The following DAB1 variants were observed in gnomAD, a reference collection of about 807,000 sequenced individuals.
DAB1 encodes disabled homolog 1.
In DAB1, 15 loss-of-function variants were observed where a neutral mutation model predicts 64.6. The observed-to-expected ratio is 0.23, with a 90% confidence interval of 0.16 to 0.36. The LOEUF (loss-of-function observed/expected upper bound fraction) is 0.36, where lower values mean the gene tolerates loss of function less well. DAB1 is among the 10% of genes least tolerant of loss of function. The pLI, the probability that DAB1 is intolerant of heterozygous loss-of-function variation, is 1.00. For missense variants in DAB1, 596 were observed against 706.7 expected (o/e 0.84, Z 1.78); for synonymous variants, 235 against 251.9 (o/e 0.93, Z 0.64).
chr1:58,132,914 C>G (rs1653718744), intron 5 of DAB1, among the ~76,000 whole-genome samples: 1 of 152,052 alleles, frequency 6.6e-6, no homozygotes, highest in African/African-American at 2.4e-5. Flanking sequence ...GTTAGCTAAC[C>G]CTTTAATAGT....
chr1:58,062,766 G>T (rs1300992461), intron 5 of DAB1, among the ~76,000 whole-genome samples: 1 of 152,194 alleles, frequency 6.6e-6, no homozygotes, highest in Non-Finnish European at 1.5e-5. Flanking sequence ...GCCCTGAGAT[G>T]AGTAGATACT....
intron 3 of DAB1, among the ~76,000 whole-genome samples, chr1:57,137,477 A>T (rs1246574064): frequency 6.6e-6 from 1 of 152,156 alleles, no homozygotes. Context: ...AAGAGTAAAG[A>T]CACTTGCTTT....
chr1:58,098,016 T>G (rs1352662712), intron 5 of DAB1, among the ~76,000 whole-genome samples: 2 of 152,082 alleles, frequency 1.3e-5, no homozygotes, highest in Non-Finnish European at 2.9e-5. Flanking sequence ...AATGAAACAT[T>G]TATTGACCAT....
chr1:57,857,853 CAAAAAAA>C (rs761614350), intron 1 of DAB1, among the ~76,000 whole-genome samples: 2 of 53,500 alleles, frequency 3.7e-5, no homozygotes, highest in Non-Finnish European at 8.9e-5. Context: ...AATGTTCATA[CAAAAAAA>C]AAAAAAGAAA....
At chr1:57,429,518 C>T (rs1453170872) in intron 7 of DAB1, among the ~76,000 whole-genome samples, 1 of 152,166 alleles carries the variant, frequency 6.6e-6, no homozygotes, top group East Asian at 1.9e-4. Context: ...TCTACTTTCA[C>T]TTTTGTTGCC....
At chr1:57,879,156 A>G (rs1167967745) in intron 1 of DAB1, among the ~76,000 whole-genome samples, 2 of 152,108 alleles carry the variant, frequency 1.3e-5, no homozygotes, top group Non-Finnish European at 2.9e-5. Flanking sequence ...CTCTTCATCT[A>G]TGTCATTTTT....
At chr1:57,686,892 ATACC>A in intron 6 of DAB1, among the ~76,000 whole-genome samples, 1 of 152,180 alleles carries the variant, frequency 6.6e-6, no homozygotes, top group East Asian at 1.9e-4. Flanking sequence ...TCAAAGGAAC[ATACC>A]TCAAAATAAT....
Position 58,192,555 on chromosome 1 carries a change from C to T in DAB1, n.310-41967G>A, listed in dbSNP as rs186430764. ...TCCTGAGTTATTTCACTTAGGATAACGGTCTCCAGTTCCATCCATGTTGCT... is the reference window on the plus strand; with the variant it reads ...TCCTGAGTTATTTCACTTAGGATAATGGTCTCCAGTTCCATCCATGTTGCT... On this transcript the variant is annotated intron_variant and non_coding_transcript_variant, in intron 4 of 20. Transcript: ENST00000485760. 2.5e-3 allele frequency among the ~76,000 whole-genome samples: 373 copies of T among 152,238 alleles called. 2 individuals carry two copies. The highest frequency in any genetic ancestry group is 8.3e-3 in the African/African-American group (346 of 41,538).
intron 4 of DAB1, among the ~76,000 whole-genome samples, chr1:58,267,756 C>T (rs1222461439): frequency 1.3e-5 from 2 of 152,050 alleles, no homozygotes; most frequent in African/African-American, 4.8e-5. Context: ...ATTTTTTTAA[C>T]CCAACGATGA....
intron 4 of DAB1, among the ~76,000 whole-genome samples, chr1:58,296,497 C>A (rs189286965): frequency 1.3e-5 from 2 of 152,288 alleles, no homozygotes; most frequent in East Asian, 3.9e-4. Context: ...CAAAGTGCAG[C>A]TCATGCATGT....
chr1:57,259,226 T>C (rs1259955513), intron 2 of DAB1, among the ~76,000 whole-genome samples: 1 of 152,070 alleles, frequency 6.6e-6, no homozygotes, highest in Non-Finnish European at 1.5e-5. Context: ...CAAGAAACTC[T>C]AGTAAGACCA....
intron 4 of DAB1, among the ~76,000 whole-genome samples, chr1:57,098,066 C>T (rs141885536): frequency 0.057 from 8,627 of 152,226 alleles, 325 homozygotes; most frequent in Non-Finnish European, 0.084. Flanking sequence ...CATGAGCCAC[C>T]GCACCCAGCA....
At chr1:57,429,542 C>T (rs1577158) in intron 7 of DAB1, among the ~76,000 whole-genome samples, 65,390 of 151,984 alleles carry the variant, frequency 0.43, 15,378 homozygotes, top group Admixed American at 0.56. Context: ...GCTTTTGGTG[C>T]CATATCCAAA....
chr1:58,275,009 T>G (rs2100432714), intron 4 of DAB1, among the ~76,000 whole-genome samples: 1 of 152,282 alleles, frequency 6.6e-6, no homozygotes, highest in South Asian at 2.1e-4. Context: ...GCTGTTCCTA[T>G]TCGGCCATCT....
At chr1:57,250,196 T>C (rs1316395827) in intron 2 of DAB1, among the ~76,000 whole-genome samples, 1 of 152,196 alleles carries the variant, frequency 6.6e-6, no homozygotes, top group Non-Finnish European at 1.5e-5. Context: ...CCCAGATTAA[T>C]CAGATTCCTT....
At chr1:57,677,542 G>A (rs72910565) in intron 6 of DAB1, among the ~76,000 whole-genome samples, 1 of 152,160 alleles carries the variant, frequency 6.6e-6, no homozygotes, top group Non-Finnish European at 1.5e-5. Flanking sequence ...ACAACACTAT[G>A]TGCACACCTT....
intron 7 of DAB1, among the ~76,000 whole-genome samples, chr1:57,450,477 A>G (rs1187541057): frequency 6.6e-6 from 1 of 152,226 alleles, no homozygotes; most frequent in Non-Finnish European, 1.5e-5. Flanking sequence ...GTAGCTCTGA[A>G]TATGTCAACT....
At chr1:57,265,596 C>T (rs1670526194) in intron 2 of DAB1, among the ~76,000 whole-genome samples, 2 of 152,054 alleles carry the variant, frequency 1.3e-5, no homozygotes, top group African/African-American at 2.4e-5. Context: ...AAACGGATGC[C>T]GTCAGTAACA....
chr1:58,075,869 G>C (rs1649604285), intron 5 of DAB1, among the ~76,000 whole-genome samples: 1 of 152,062 alleles, frequency 6.6e-6, no homozygotes, highest in Non-Finnish European at 1.5e-5. Context: ...GTCTACCCAG[G>C]TGGGAAGTAG....
Sources: gnomAD v4.1 joint callset for allele counts (sites outside exome capture counted in the v4.1 genomes callset) on GRCh38, gnomAD v4.1.1 for gene constraint, MANE v1.5 for transcripts, NCBI Gene and HGNC (gene_info 2026-07-23, HGNC 2026-07-21) for gene names.